The following KCNQ1OT1 variants were observed in gnomAD, a reference collection of about 807,000 sequenced individuals.
The protein encoded by KCNQ1OT1 is KCNQ1 opposite strand/antisense transcript 1, also known as KCNQ1 antisense RNA 2 (non-protein coding).
exon 1 of KCNQ1OT1, chr11:2,660,354 G>A (rs1348083922): frequency 2.5e-6 from 1 of 398,370 alleles, no homozygotes; most frequent in Non-Finnish European, 4.4e-6. Flanking sequence ...AAATTTAAGA[G>A]AGAATTGTAT....
In KCNQ1OT1 at chr11:2,613,045, G is replaced by A. The variant is rs147649773; in HGVS notation, n.86950C>T. 1.0e-5 allele frequency: 4 copies of A among 398,584 alleles called. No individual in the cohort carries two copies. Among genetic ancestry groups the A allele is most frequent in the African/African-American group, 4.1e-5 (2 of 48,730 alleles). 24.7% of individuals were successfully genotyped at this position (398,584 alleles called of 1,614,324 possible). Reference sequence around the variant, plus strand: ...GTTTTGTAAGCCTGGCTTCATTGGTGTCACCCCTGGATCAGCATAACCTAG... The same window carrying A: ...GTTTTGTAAGCCTGGCTTCATTGGTATCACCCCTGGATCAGCATAACCTAG... On this transcript the variant is annotated non_coding_transcript_exon_variant, in exon 1 of 1. Transcript: ENST00000597346. The surrounding 1 kb of genome is among the most constrained non-coding windows in gnomAD (Gnocchi z 4.8).
rs1160353198 is a variant in KCNQ1OT1 at position 2,668,092 on chromosome 11, T to C, written n.31903A>G. ...ATGATGCAACTCATACACCTTTGTG[T>C]CCAATGTCCCTCACTCAATTTGATG... is the stretch of plus-strand genomic sequence containing the variant. On this transcript the variant is annotated non_coding_transcript_exon_variant, in exon 1 of 1. Coordinates refer to ENST00000597346, the Ensembl canonical transcript of KCNQ1OT1. This position sits in a 1 kb window ranked among gnomAD's most constrained non-coding sequence, Gnocchi z 4.3. 13 of 398,596 alleles carry C rather than the reference T, an allele frequency of 3.3e-5. No individual in the cohort carries two copies. The East Asian group carries it at 4.6e-4, about 14-fold the overall frequency. The allele number at this position is 398,596 out of a possible 1,614,324, so 24.7% of individuals were successfully genotyped here. A position where few individuals can be genotyped will look rare whatever the true frequency, so the allele number is the denominator to read the frequency against.
chr11:2,613,979 C>A lies in KCNQ1OT1; in HGVS notation n.86016G>T. ...CATCTCCTAGAAATCACTCAACATCCATTCACAGAGATCTTTCTCATTGCA... is the reference window on the plus strand; with the variant it reads ...CATCTCCTAGAAATCACTCAACATCAATTCACAGAGATCTTTCTCATTGCA... On this transcript the variant is annotated non_coding_transcript_exon_variant, in exon 1 of 1. Transcript: ENST00000597346. The surrounding 1 kb of genome is among the most constrained non-coding windows in gnomAD (Gnocchi z 4.8). The A allele has an allele frequency of 2.5e-6, 1 of 398,602 alleles. No individual in the cohort carries two copies. Among genetic ancestry groups the A allele is most frequent in the South Asian group, 1.3e-4 (1 of 7,852 alleles). The allele number at this position is 398,602 out of a possible 1,614,324, so 24.7% of individuals were successfully genotyped here.
rs1848986077 is a variant in KCNQ1OT1, at chr11:2,612,032, C to A, written n.87963G>T. On this transcript the variant is annotated non_coding_transcript_exon_variant, in exon 1 of 1. Transcript: ENST00000597346. This position sits in a 1 kb window ranked among gnomAD's most constrained non-coding sequence, Gnocchi z 5.5. ...TACTCCTTAATTCCACATATGTTTT[C>A]TACTCTTAATTACATATATGTTACA... is the stretch of plus-strand genomic sequence containing the variant. The A allele has an allele frequency of 2.5e-6, 1 of 398,494 alleles. No individual in the cohort carries two copies. The highest frequency in any genetic ancestry group is 4.4e-6 in the Non-Finnish European group (1 of 226,070). The allele number at this position is 398,494 out of a possible 1,614,324, so 24.7% of individuals were successfully genotyped here.
In KCNQ1OT1 at chr11:2,663,592, C is replaced by G. The variant is rs1341698419; in HGVS notation, n.36403G>C. The G allele has an allele frequency of 5.0e-6, 2 of 398,498 alleles. No individual in the cohort carries two copies. Among genetic ancestry groups the G allele is most frequent in the African/African-American group, 4.1e-5 (2 of 48,618 alleles). 24.7% of individuals were successfully genotyped at this position (398,498 alleles called of 1,614,324 possible). A position where few individuals can be genotyped will look rare whatever the true frequency, so the allele number is the denominator to read the frequency against. Reference sequence around the variant, plus strand: ...TGCTTCTCCTGTTGGAGCTCTCGCTCACCTTGGTTCTCTTGGTCACGGACC... The same window carrying G: ...TGCTTCTCCTGTTGGAGCTCTCGCTGACCTTGGTTCTCTTGGTCACGGACC... On this transcript the variant is annotated non_coding_transcript_exon_variant, in exon 1 of 1. Coordinates refer to ENST00000597346, the Ensembl canonical transcript of KCNQ1OT1. This position sits in a 1 kb window ranked among gnomAD's most constrained non-coding sequence, Gnocchi z 5.2.
Position 2,658,249 on chromosome 11 carries a change from G to A in KCNQ1OT1, n.41746C>T, listed in dbSNP as rs1849887133. On this transcript the variant is annotated non_coding_transcript_exon_variant, in exon 1 of 1. Transcript: ENST00000597346. The surrounding 1 kb of genome is among the most constrained non-coding windows in gnomAD (Gnocchi z 4.9). Reference sequence around the variant, plus strand: ...GTTTTCCTGCAGCAAATATTACCGTGATGTACTTCTATTTTCCTCATTCCT... The same window carrying A: ...GTTTTCCTGCAGCAAATATTACCGTAATGTACTTCTATTTTCCTCATTCCT... The A allele has an allele frequency of 5.0e-6, 2 of 398,438 alleles. No homozygotes were observed. Among genetic ancestry groups the A allele is most frequent in the African/African-American group, 4.1e-5 (2 of 48,620 alleles). The allele number at this position is 398,438 out of a possible 1,614,324, so 24.7% of individuals were successfully genotyped here. A position where few individuals can be genotyped will look rare whatever the true frequency, so the allele number is the denominator to read the frequency against.
chr11:2,624,177 G>A lies in KCNQ1OT1; in HGVS notation n.75818C>T, dbSNP rs147023322. ...CATTTCCCTAATGACGTAAGATGTG[G>A]GGCATCTTTTCATATACTTAGTTGC... On this transcript the variant is annotated non_coding_transcript_exon_variant, in exon 1 of 1. Coordinates refer to ENST00000597346, the Ensembl canonical transcript of KCNQ1OT1. The surrounding 1 kb of genome is among the most constrained non-coding windows in gnomAD (Gnocchi z 4.9). The A allele has an allele frequency of 5.3e-5, 21 of 398,522 alleles. No homozygotes were observed. Among genetic ancestry groups the A allele is most frequent in the African/African-American group, 4.3e-4 (21 of 48,728 alleles). The allele number at this position is 398,522 out of a possible 1,614,324, so 24.7% of individuals were successfully genotyped here.
chr11:2,635,107 A>G (rs915976637), exon 1 of KCNQ1OT1: 4 of 152,170 alleles, frequency 2.6e-5, no homozygotes, highest in African/African-American at 9.7e-5. Context: ...GTAGATTGCA[A>G]AAAATTTCTC....
In KCNQ1OT1 at chr11:2,645,866, G is replaced by A; in HGVS notation, n.54129C>T. On this transcript the variant is annotated non_coding_transcript_exon_variant, in exon 1 of 1. Coordinates refer to ENST00000597346, the Ensembl canonical transcript of KCNQ1OT1. The surrounding 1 kb of genome is among the most constrained non-coding windows in gnomAD (Gnocchi z 5.8). ...TCAGGGGATGTGTGAATTGCCTGAGGATTCAGGGTGATCTCCCTCTCTGGG... is the reference window on the plus strand; with the variant it reads ...TCAGGGGATGTGTGAATTGCCTGAGAATTCAGGGTGATCTCCCTCTCTGGG... 1 of 398,616 alleles carries A rather than the reference G, an allele frequency of 2.5e-6. No homozygotes were observed. The highest frequency in any genetic ancestry group is 4.4e-6 in the Non-Finnish European group (1 of 226,088). The allele number at this position is 398,616 out of a possible 1,614,324, so 24.7% of individuals were successfully genotyped here.
exon 1 of KCNQ1OT1, chr11:2,684,927 C>T (rs1850458308): frequency 2.5e-6 from 1 of 398,684 alleles, no homozygotes; most frequent in Non-Finnish European, 4.4e-6. Flanking sequence ...GTCCCTGATC[C>T]ATGCAGCATG....
rs1001594617 is a variant in KCNQ1OT1 at position 2,654,470 on chromosome 11, GC to G, written n.45524del. On this transcript the variant is annotated non_coding_transcript_exon_variant, in exon 1 of 1. Transcript: ENST00000597346. This position sits in a 1 kb window ranked among gnomAD's most constrained non-coding sequence, Gnocchi z 6.4. ...CGTGCTGAGCGCCAGGCACACATAA[GC>G]CCTGCAGCCGTACAGGGGAGGGGGC... 2.8e-5 allele frequency: 11 copies of G among 398,630 alleles called. No individual in the cohort carries two copies. The highest frequency in any genetic ancestry group is 4.9e-5 in the Non-Finnish European group (11 of 226,198). The allele number at this position is 398,630 out of a possible 1,614,324, so 24.7% of individuals were successfully genotyped here.
chr11:2,627,508 T>TTCAA lies in KCNQ1OT1; in HGVS notation n.72483_72486dup. ...CCCTTCTACTCTCCGTTTCTCTGAGTTCAAGCTTTTTAGAATTCCATATGT... is the reference window on the plus strand; with the variant it reads ...CCCTTCTACTCTCCGTTTCTCTGAGTTCAATCAAGCTTTTTAGAATTCCATATGT... On this transcript the variant is annotated non_coding_transcript_exon_variant, in exon 1 of 1. Coordinates refer to ENST00000597346, the Ensembl canonical transcript of KCNQ1OT1. The surrounding 1 kb of genome is among the most constrained non-coding windows in gnomAD (Gnocchi z 4.9). 1 of 398,530 alleles carries TTCAA rather than the reference T, an allele frequency of 2.5e-6. No homozygotes were observed. The highest frequency in any genetic ancestry group is 4.4e-6 in the Non-Finnish European group (1 of 226,050). 24.7% of individuals were successfully genotyped at this position (398,530 alleles called of 1,614,324 possible). A position where few individuals can be genotyped will look rare whatever the true frequency, so the allele number is the denominator to read the frequency against.
exon 1 of KCNQ1OT1, chr11:2,667,718 T>C: frequency 7.5e-6 from 3 of 398,754 alleles, no homozygotes; most frequent in Non-Finnish European, 1.3e-5. Context: ...CTGGAAGCCG[T>C]GTCCCCTTAA....
In KCNQ1OT1 at chr11:2,658,638, C is replaced by T. The variant is rs183838547; in HGVS notation, n.41357G>A. 88 of 398,414 alleles carry T rather than the reference C, an allele frequency of 2.2e-4. No homozygotes were observed. The highest frequency in any genetic ancestry group is 1.7e-3 in the African/African-American group (81 of 48,674). 24.7% of individuals were successfully genotyped at this position (398,414 alleles called of 1,614,324 possible). ...ATCTAGGCACGGGGTATGCTCGTGG[C>T]TACTAGGGTATCATTGCTTCAGTCT... is the stretch of plus-strand genomic sequence containing the variant. On this transcript the variant is annotated non_coding_transcript_exon_variant, in exon 1 of 1. Transcript: ENST00000597346. The surrounding 1 kb of genome is among the most constrained non-coding windows in gnomAD (Gnocchi z 4.9).
rs1204985325 is a variant in KCNQ1OT1, at chr11:2,613,035, C to T, written n.86960G>A. ...TCTTATGTTTGTTTTGTAAGCCTGG[C>T]TTCATTGGTGTCACCCCTGGATCAG... On this transcript the variant is annotated non_coding_transcript_exon_variant, in exon 1 of 1. Coordinates refer to ENST00000597346, the Ensembl canonical transcript of KCNQ1OT1. The surrounding 1 kb of genome is among the most constrained non-coding windows in gnomAD (Gnocchi z 4.8). The T allele has an allele frequency of 2.5e-5, 10 of 398,456 alleles. No homozygotes were observed. The highest frequency in any genetic ancestry group is 4.4e-5 in the Non-Finnish European group (10 of 226,086). The allele number at this position is 398,456 out of a possible 1,614,324, so 24.7% of individuals were successfully genotyped here.
chr11:2,666,035 C>T (rs1850060623), exon 1 of KCNQ1OT1: 1 of 398,552 alleles, frequency 2.5e-6, no homozygotes, highest in Non-Finnish European at 4.4e-6. Flanking sequence ...ACATGGATAC[C>T]TGAGATAGAC....
chr11:2,693,531 G>A, exon 1 of KCNQ1OT1: 1 of 398,680 alleles, frequency 2.5e-6, no homozygotes, highest in Non-Finnish European at 4.4e-6. Context: ...TGAGGCCCGG[G>A]CTGCTAGGGA....
At chr11:2,672,445 A>T in exon 1 of KCNQ1OT1, 1 of 398,574 alleles carries the variant, frequency 2.5e-6, no homozygotes, top group East Asian at 3.6e-5. Flanking sequence ...GGCTCTGAAG[A>T]GCTTCAATTG....
chr11:2,612,721 A>G lies in KCNQ1OT1; in HGVS notation n.87274T>C, dbSNP rs750950403. Reference sequence around the variant, plus strand: ...ACTTACTTTGAAATCGCGCCCTAACATTTGGGGCCCTTCAGAGATAATTCC... The same window carrying G: ...ACTTACTTTGAAATCGCGCCCTAACGTTTGGGGCCCTTCAGAGATAATTCC... On this transcript the variant is annotated non_coding_transcript_exon_variant, in exon 1 of 1. Transcript: ENST00000597346. This position sits in a 1 kb window ranked among gnomAD's most constrained non-coding sequence, Gnocchi z 5.5. The G allele has an allele frequency of 2.5e-6, 1 of 398,382 alleles. No individual in the cohort carries two copies. Among genetic ancestry groups the G allele is most frequent in the Non-Finnish European group, 4.4e-6 (1 of 226,046 alleles). 24.7% of individuals were successfully genotyped at this position (398,382 alleles called of 1,614,324 possible).
Sources: allele counts gnomAD v4.1 joint callset, GRCh38; gene constraint gnomAD v4.1.1; non-coding constraint Gnocchi (gnomAD v3.1); transcripts MANE v1.5; gene names NCBI Gene and HGNC (gene_info 2026-07-23, HGNC 2026-07-21).